The following AHI1 variants were observed in gnomAD, a reference collection of about 807,000 sequenced individuals.
AHI1 encodes jouberin.
A neutral mutation model predicts 149.3 loss-of-function variants in AHI1; 123 were observed. The ratio of observed to expected loss-of-function variants is 0.82; its 90% CI spans 0.71 to 0.96. The LOEUF (loss-of-function observed/expected upper bound fraction) is 0.96, where lower values mean the gene tolerates loss of function less well. Ranked by LOEUF, AHI1 falls within the 40% of genes least tolerant of loss-of-function variation. The pLI, the probability that AHI1 is intolerant of heterozygous loss-of-function variation, is 0.00. For synonymous variants in AHI1, 475 were observed against 459.8 expected (o/e 1.03, Z -0.42); for missense variants, 1,439 against 1,422.7 (o/e 1.01, Z -0.18).
Position 135,463,759 on chromosome 6 carries a change from C to CT in AHI1, c.750-454dup, listed in dbSNP as rs149642226. Among the ~76,000 whole-genome samples the CT allele has an allele frequency of 7.4e-5, 11 of 148,866 alleles. No homozygotes were observed. In the South Asian group the frequency reaches 8.5e-4, roughly 12 times the overall value. ...ACTTTTGATTTCTCTTTTTTCTTTTCTTTTTTTTTTAAGACTGGGTTTCGC... is the reference window on the plus strand; with the variant it reads ...ACTTTTGATTTCTCTTTTTTCTTTTCTTTTTTTTTTTAAGACTGGGTTTCGC... On this transcript the variant is annotated intron_variant, in intron 7 of 28. Coordinates refer to ENST00000265602, the MANE Select transcript of AHI1 (RefSeq NM_001134831.2).
At chr6:135,471,821 G>A (rs1030045037) in intron 5 of AHI1, among the ~76,000 whole-genome samples, 2 of 150,982 alleles carry the variant, frequency 1.3e-5, no homozygotes, top group African/African-American at 2.4e-5. Flanking sequence ...GACCATCCTG[G>A]CTAACAAGGT....
intron 24 of AHI1, among the ~76,000 whole-genome samples, chr6:135,356,507 C>T (rs1792986002): frequency 6.6e-6 from 1 of 152,084 alleles, no homozygotes; most frequent in South Asian, 2.1e-4. Flanking sequence ...GTTGGAAAGC[C>T]AGGGGCTGTT....
Position 135,412,005 on chromosome 6 carries a change from C to T in AHI1, c.2765-461G>A, listed in dbSNP as rs1781665953. 3.9e-5 allele frequency among the ~76,000 whole-genome samples: 6 copies of T among 152,148 alleles called. No homozygotes were observed. The South Asian group carries it at 1.2e-3, about 32-fold the overall frequency. On this transcript the variant is annotated intron_variant, in intron 20 of 28. Coordinates refer to ENST00000265602, the MANE Select transcript of AHI1 (RefSeq NM_001134831.2). ...TCAATTTAAATGCAAGTATTTCTTA[C>T]ATTTCTACAATGACGTAATTATAAT...
chr6:135,489,066 T>C (rs1192732261), intron 5 of AHI1, among the ~76,000 whole-genome samples: 2 of 152,300 alleles, frequency 1.3e-5, no homozygotes, highest in South Asian at 2.1e-4. Flanking sequence ...ATCTAGCAAA[T>C]GAAAGCAGCT....
intron 24 of AHI1, among the ~76,000 whole-genome samples, chr6:135,350,193 T>C (rs1174775870): frequency 6.6e-6 from 1 of 152,224 alleles, no homozygotes; most frequent in Admixed American, 6.5e-5. Flanking sequence ...ATGACAAGCC[T>C]CTTCAATTGC....
At position 135,436,743 on chromosome 6, in the gene AHI1, A is replaced by T. The variant is rs1440649053; in HGVS notation, c.2036+1632T>A. On this transcript the variant is annotated intron_variant, in intron 15 of 28. Transcript: ENST00000265602. ...CAGCCTCTGAAGTAGCTGGGACTACAGATGCAGACCACCACACCCGGCTTA... is the reference window on the plus strand; with the variant it reads ...CAGCCTCTGAAGTAGCTGGGACTACTGATGCAGACCACCACACCCGGCTTA... Among the ~76,000 whole-genome samples, 15 of 152,276 alleles carry T rather than the reference A, an allele frequency of 9.9e-5. No homozygotes were observed. The East Asian group carries it at 1.9e-3, about 20-fold the overall frequency.
At chr6:135,473,703 C>G (rs1283774224) in intron 5 of AHI1, among the ~76,000 whole-genome samples, 2 of 152,106 alleles carry the variant, frequency 1.3e-5, no homozygotes, top group African/African-American at 4.8e-5. Context: ...CAGTGTACAG[C>G]TCTTGCACAT....
intron 26 of AHI1, among the ~76,000 whole-genome samples, chr6:135,310,493 C>T (rs1037695180): frequency 2.2e-4 from 33 of 152,268 alleles, no homozygotes; most frequent in African/African-American, 7.9e-4. Context: ...AAGAAAGCAG[C>T]TGTTCCTGAA....
intron 24 of AHI1, among the ~76,000 whole-genome samples, chr6:135,350,762 T>C (rs1050819830): frequency 8.5e-5 from 13 of 152,084 alleles, no homozygotes; most frequent in African/African-American, 2.9e-4. Context: ...CGAAGGTCTT[T>C]GGGTGAGTGG....
intron 3 of AHI1, chr6:135,492,631 A>C (rs1436367317): frequency 2.0e-6 from 2 of 985,328 alleles, no homozygotes; most frequent in Non-Finnish European, 1.2e-6. Context: ...ACGCACTTTT[A>C]AGAAACCAAA....
At chr6:135,409,487 T>A (rs1336591969) in intron 21 of AHI1, among the ~76,000 whole-genome samples, 2 of 152,138 alleles carry the variant, frequency 1.3e-5, no homozygotes, top group Non-Finnish European at 2.9e-5. Flanking sequence ...AAGATATATA[T>A]GTAAATGGAC....
intron 26 of AHI1, among the ~76,000 whole-genome samples, chr6:135,313,368 C>A (rs1481985740): frequency 1.3e-5 from 2 of 152,130 alleles, no homozygotes; most frequent in African/African-American, 4.8e-5. Flanking sequence ...AGATTTAAAG[C>A]CTAATTTGAG....
At chr6:135,371,148 T>C (rs1013512187) in intron 23 of AHI1, among the ~76,000 whole-genome samples, 9 of 152,330 alleles carry the variant, frequency 5.9e-5, no homozygotes, top group East Asian at 3.9e-4. Context: ...CAAAATGATA[T>C]AGTGTAAGAA....
chr6:135,289,119 G>C (rs1382981973), intron 28 of AHI1, among the ~76,000 whole-genome samples: 1 of 151,198 alleles, frequency 6.6e-6, no homozygotes, highest in African/African-American at 2.5e-5. Context: ...AGAATGTCCT[G>C]TGTATATCTT....
intron 5 of AHI1, chr6:135,490,015 A>G (rs1795031684): frequency 1.8e-6 from 1 of 555,594 alleles, no homozygotes; most frequent in Non-Finnish European, 3.2e-6. Context: ...AGATAGGTAT[A>G]AAGAGGGCAT....
At chr6:135,381,279 C>T (rs1288110255) in intron 23 of AHI1, among the ~76,000 whole-genome samples, 1 of 152,124 alleles carries the variant, frequency 6.6e-6, no homozygotes, top group Non-Finnish European at 1.5e-5. Flanking sequence ...CCCTATATTT[C>T]TCAGACAAAT....
intron 24 of AHI1, among the ~76,000 whole-genome samples, chr6:135,332,982 G>A (rs1438004369): frequency 6.6e-6 from 1 of 152,158 alleles, no homozygotes; most frequent in Non-Finnish European, 1.5e-5. Flanking sequence ...TCTGACAGAA[G>A]GTTTATCATT....
chr6:135,301,074 C>T (rs1445673159), intron 26 of AHI1: 1 of 985,142 alleles, frequency 1.0e-6, no homozygotes, highest in Non-Finnish European at 1.2e-6. Context: ...ACAATAAGCA[C>T]TTTCAAGGGT....
rs112569111 is a variant in AHI1, at chr6:135,381,847, C to T, written c.3109+12929G>A. On this transcript the variant is annotated intron_variant, in intron 23 of 28. Coordinates refer to ENST00000265602, the MANE Select transcript of AHI1 (RefSeq NM_001134831.2). Reference sequence around the variant, plus strand: ...CTGAGGGCTTTCATCTTCCATTTCTCGCAGTGCTTGGCAGAGTCTCTGTTA... The same window carrying T: ...CTGAGGGCTTTCATCTTCCATTTCTTGCAGTGCTTGGCAGAGTCTCTGTTA... Among the ~76,000 whole-genome samples the T allele has an allele frequency of 9.4e-3, 1,430 of 152,292 alleles. 20 individuals are homozygous for T. The highest frequency in any genetic ancestry group is 0.032 in the African/African-American group (1,331 of 41,566).
Sources: allele counts gnomAD v4.1 joint callset (sites outside exome capture counted in the v4.1 genomes callset), GRCh38; gene constraint gnomAD v4.1.1; transcripts MANE v1.5; gene names NCBI Gene and HGNC (gene_info 2026-07-23, HGNC 2026-07-21).